FAF1: variants seen among roughly 807,000 people sequenced by gnomAD.
FAF1 encodes FAS-associated factor 1.
A neutral mutation model predicts 92.5 loss-of-function variants in FAF1; 25 were observed. The ratio of observed to expected loss-of-function variants is 0.27; its 90% CI spans 0.20 to 0.38. The LOEUF is 0.38. FAF1 is among the 10% of genes least tolerant of loss of function. The probability of loss-of-function intolerance (pLI) is 1.00; values close to 1 mark genes in which losing one functional copy is unlikely to be tolerated. For missense variants in FAF1, 636 were observed against 793.3 expected (o/e 0.80, Z 2.38); for synonymous variants, 234 against 273.2 (o/e 0.86, Z 1.42).
intron 8 of FAF1, among the ~76,000 whole-genome samples, chr1:50,610,679 G>A (rs1421230181): frequency 6.6e-6 from 1 of 151,916 alleles, no homozygotes; most frequent in Non-Finnish European, 1.5e-5. Context: ...CTTTATTCAA[G>A]GTTCATTTCA....
chr1:50,698,233 T>C lies in FAF1; in HGVS notation c.657+7553A>G, dbSNP rs1657317217. On this transcript the variant is annotated intron_variant, in intron 7 of 18. Transcript: ENST00000396153. ...TTCTTATCTTAGGACTAGAAGATAG[T>C]TAAACATTAAAATAGTTCTCAGCTT... Among the ~76,000 whole-genome samples the C allele has an allele frequency of 1.3e-5, 2 of 152,152 alleles. 1 individual carries two copies. Among genetic ancestry groups the C allele is most frequent in the Non-Finnish European group, 2.9e-5 (2 of 68,008 alleles).
chr1:50,677,796 G>T (rs1300351198), intron 7 of FAF1, among the ~76,000 whole-genome samples: 2 of 150,888 alleles, frequency 1.3e-5, no homozygotes, highest in Non-Finnish European at 2.9e-5. Flanking sequence ...TCAGGAGGCT[G>T]AGGCAGGAGA....
At chr1:50,845,212 T>C (rs1644288045) in intron 2 of FAF1, among the ~76,000 whole-genome samples, 1 of 152,216 alleles carries the variant, frequency 6.6e-6, no homozygotes, top group Non-Finnish European at 1.5e-5. Context: ...GGAAGGACAC[T>C]GCAGAAGGAA....
At chr1:50,924,466 T>C (rs1436088387) in intron 1 of FAF1, among the ~76,000 whole-genome samples, 2 of 152,142 alleles carry the variant, frequency 1.3e-5, no homozygotes, top group Non-Finnish European at 2.9e-5. Context: ...GAATTAATAT[T>C]GTTAAAATGA....
chr1:50,839,057 G>A (rs1644235267), intron 2 of FAF1, among the ~76,000 whole-genome samples: 1 of 151,898 alleles, frequency 6.6e-6, no homozygotes, highest in African/African-American at 2.4e-5. Context: ...TGTGATCAGA[G>A]CACAAAGAAT....
chr1:50,823,221 C>T (rs1233013655), intron 2 of FAF1, among the ~76,000 whole-genome samples: 1 of 152,182 alleles, frequency 6.6e-6, no homozygotes, highest in Non-Finnish European at 1.5e-5. Context: ...TCCTTGTTAA[C>T]AGCAACCCTG....
chr1:50,448,236 G>T (rs1646252054), intron 18 of FAF1, among the ~76,000 whole-genome samples: 1 of 152,164 alleles, frequency 6.6e-6, no homozygotes, highest in Non-Finnish European at 1.5e-5. Context: ...TGTCTATGTG[G>T]TTTGAGTTCC....
At chr1:50,472,308 T>C (rs1157198466) in intron 18 of FAF1, among the ~76,000 whole-genome samples, 1 of 151,130 alleles carries the variant, frequency 6.6e-6, no homozygotes, top group African/African-American at 2.4e-5. Context: ...GAGGTAGAGC[T>C]CTGGAAATAA....
chr1:50,945,070 A>C (rs191033897), intron 1 of FAF1, among the ~76,000 whole-genome samples: 2 of 152,320 alleles, frequency 1.3e-5, no homozygotes, highest in African/African-American at 4.8e-5. Context: ...AGCTGTTCCA[A>C]TATTCAATGT....
At chr1:50,713,418 C>T (rs1658031996) in intron 6 of FAF1, among the ~76,000 whole-genome samples, 1 of 152,070 alleles carries the variant, frequency 6.6e-6, no homozygotes, top group East Asian at 2.0e-4. Context: ...GGACCACAGG[C>T]ATGTGCCACC....
At chr1:50,862,626 A>T (rs1399245809) in intron 1 of FAF1, among the ~76,000 whole-genome samples, 1 of 151,936 alleles carries the variant, frequency 6.6e-6, no homozygotes, top group Non-Finnish European at 1.5e-5. Flanking sequence ...TTCACCAACC[A>T]AATATCTGCT....
At chr1:50,912,136 T>C (rs1409860188) in intron 1 of FAF1, among the ~76,000 whole-genome samples, 1 of 151,906 alleles carries the variant, frequency 6.6e-6, no homozygotes, top group Non-Finnish European at 1.5e-5. Flanking sequence ...ATTTCAAAAA[T>C]ACCACCAACT....
intron 1 of FAF1, among the ~76,000 whole-genome samples, chr1:50,862,231 G>A (rs933936150): frequency 1.3e-5 from 2 of 151,758 alleles, no homozygotes; most frequent in Non-Finnish European, 2.9e-5. Context: ...GCCCATTCAA[G>A]AGAGAAATTA....
chr1:50,455,188 G>C lies in FAF1; in HGVS notation c.1870-13665C>G, dbSNP rs74082529. On this transcript the variant is annotated intron_variant, in intron 18 of 18. Coordinates refer to ENST00000396153, the MANE Select transcript of FAF1 (RefSeq NM_007051.3). Reference sequence around the variant, plus strand: ...AGATACAGGGGCTGACAGTAAGTCTGCATCAGTTGCCCTTTCAGAGGGGAC... The same window carrying C: ...AGATACAGGGGCTGACAGTAAGTCTCCATCAGTTGCCCTTTCAGAGGGGAC... 9.2e-3 allele frequency among the ~76,000 whole-genome samples: 1,397 copies of C among 152,344 alleles called. 20 individuals are homozygous for C. The highest frequency in any genetic ancestry group is 0.032 in the African/African-American group (1,344 of 41,578).
At chr1:50,713,886 G>A (rs761601275) in intron 6 of FAF1, among the ~76,000 whole-genome samples, 1 of 146,474 alleles carries the variant, frequency 6.8e-6, no homozygotes, top group East Asian at 2.1e-4. Flanking sequence ...CAATCCTCCC[G>A]GCTCAGCCTC....
intron 4 of FAF1, among the ~76,000 whole-genome samples, chr1:50,773,790 T>A (rs1465952160): frequency 6.6e-6 from 1 of 152,102 alleles, no homozygotes; most frequent in Non-Finnish European, 1.5e-5. Flanking sequence ...GTGAATACAG[T>A]TAAGAAATAA....
intron 1 of FAF1, among the ~76,000 whole-genome samples, chr1:50,932,143 T>C (rs1645053581): frequency 6.6e-6 from 1 of 151,966 alleles, no homozygotes; most frequent in Non-Finnish European, 1.5e-5. Context: ...GCCAACCATA[T>C]CATTCCACCC....
intron 13 of FAF1, among the ~76,000 whole-genome samples, chr1:50,554,390 T>TATATATATATATATAGAG: frequency 1.1e-5 from 1 of 93,700 alleles, no homozygotes; most frequent in African/African-American, 4.7e-5. Context: ...TATATATATA[T>TATATATATATATATAGAG]AGAGAGAGAG....
chr1:50,475,388 G>C, intron 18 of FAF1, 76 bp downstream of exon 18: 1 of 1,194,192 alleles, frequency 8.4e-7, no homozygotes, highest in Non-Finnish European at 1.2e-6. Flanking sequence ...GACTTTTCTT[G>C]AACTACTTTG....
Sources: gnomAD v4.1 joint callset for allele counts (sites outside exome capture counted in the v4.1 genomes callset) on GRCh38, gnomAD v4.1.1 for gene constraint, MANE v1.5 for transcripts, NCBI Gene and HGNC (gene_info 2026-07-23, HGNC 2026-07-21) for gene names.